Variants in PHACTR1 observed in about 807,000 individuals in gnomAD.
The protein encoded by PHACTR1 is RPEL repeat containing 1.
PHACTR1 carries 16 observed loss-of-function variants against 69.2 expected under a neutral mutation model. The observed-to-expected ratio is 0.23, with a 90% CI of 0.16 to 0.35. The LOEUF is 0.35. Among genes scored for constraint, PHACTR1 ranks in the 10% least tolerant of loss-of-function variants. The pLI is 1.00. For synonymous variants in PHACTR1, 312 were observed against 284.5 expected (o/e 1.10, Z -0.97); for missense variants, 510 against 734.7 (o/e 0.69, Z 3.54).
chr6:13,200,817 T>G lies in PHACTR1; in HGVS notation c.665-4998T>G, dbSNP rs1485822246. On this transcript the variant is annotated intron_variant, in intron 7 of 14. Transcript: ENST00000332995. ...TTAGCCAGGCATCATGGCGGACACC[T>G]GTAGTCCCAGCTACTCGGAGGCTGA... Among the ~76,000 whole-genome samples, 3 of 151,234 alleles carry G rather than the reference T, an allele frequency of 2.0e-5. No individual in the cohort carries two copies. The South Asian group carries it at 6.3e-4, about 32-fold the overall frequency.
At chr6:12,861,352 G>A (rs1349738798) in intron 4 of PHACTR1, among the ~76,000 whole-genome samples, 1 of 152,180 alleles carries the variant, frequency 6.6e-6, no homozygotes, top group Non-Finnish European at 1.5e-5. Context: ...ACTACACACA[G>A]GTCCTGTTAA....
At chr6:13,133,710 C>G (rs1380005002) in intron 5 of PHACTR1, among the ~76,000 whole-genome samples, 2 of 152,038 alleles carry the variant, frequency 1.3e-5, no homozygotes, top group African/African-American at 4.8e-5. Flanking sequence ...CTCTGCCTGG[C>G]TGCCACCCCG....
chr6:13,197,313 A>T (rs1271747847), intron 7 of PHACTR1, among the ~76,000 whole-genome samples: 1 of 152,134 alleles, frequency 6.6e-6, no homozygotes, highest in African/African-American at 2.4e-5. Flanking sequence ...TCAGCCCCAC[A>T]CCAGGGCAGG....
intron 4 of PHACTR1, among the ~76,000 whole-genome samples, chr6:12,805,702 G>T (rs1232240993): frequency 6.6e-6 from 1 of 151,856 alleles, no homozygotes; most frequent in Non-Finnish European, 1.5e-5. Context: ...CTAGGCTCAA[G>T]CAATTCTCCT....
intron 4 of PHACTR1, among the ~76,000 whole-genome samples, chr6:12,955,218 A>T (rs1382037157): frequency 1.3e-5 from 1 of 74,320 alleles, no homozygotes; most frequent in Non-Finnish European, 2.2e-5. Context: ...TTTTTGAGAG[A>T]GATAGCATCT....
intron 4 of PHACTR1, among the ~76,000 whole-genome samples, chr6:12,977,939 G>A (rs1245062863): frequency 6.6e-6 from 1 of 152,140 alleles, no homozygotes; most frequent in Non-Finnish European, 1.5e-5. Flanking sequence ...GAAAAATATA[G>A]AAATATCTGA....
chr6:12,944,844 G>A (rs1790491981), intron 4 of PHACTR1, among the ~76,000 whole-genome samples: 1 of 150,758 alleles, frequency 6.6e-6, no homozygotes, highest in Non-Finnish European at 1.5e-5. Flanking sequence ...ATGCAGTGGC[G>A]CGATCTCGGC....
chr6:13,023,390 C>T (rs1454016489), intron 4 of PHACTR1, among the ~76,000 whole-genome samples: 1 of 152,164 alleles, frequency 6.6e-6, no homozygotes, highest in Non-Finnish European at 1.5e-5. Flanking sequence ...GTTATTGTTT[C>T]AATGTGAACT....
intron 5 of PHACTR1, among the ~76,000 whole-genome samples, chr6:13,134,495 CA>C (rs1245363415): frequency 6.6e-6 from 1 of 152,160 alleles, no homozygotes; most frequent in Non-Finnish European, 1.5e-5. Context: ...ACCTTACCCC[CA>C]ACCCCTTGCT....
At chr6:12,852,119 G>GCCA (rs1177110095) in intron 4 of PHACTR1, among the ~76,000 whole-genome samples, 1 of 152,196 alleles carries the variant, frequency 6.6e-6, no homozygotes, top group African/African-American at 2.4e-5. Flanking sequence ...ACAGGCGTGA[G>GCCA]CCACCACGCT....
intron 10 of PHACTR1, among the ~76,000 whole-genome samples, chr6:13,247,791 T>C (rs1773800048): frequency 6.6e-6 from 1 of 152,074 alleles, no homozygotes; most frequent in Non-Finnish European, 1.5e-5. Flanking sequence ...GACTTCGAGG[T>C]TGTAGTCTGC....
rs112711359 is a variant in PHACTR1 at position 13,017,257 on chromosome 6, G to A, written c.251-36108G>A. 6.3e-4 allele frequency among the ~76,000 whole-genome samples: 93 copies of A among 148,690 alleles called. 1 individual carries two copies. The highest frequency in any genetic ancestry group is 2.2e-3 in the African/African-American group (90 of 40,160). Reference sequence around the variant, plus strand: ...TTTCCACTGTACCTACCATCAAGTTGATTTTTTTAATGGCCATTTATCTCT... The same window carrying A: ...TTTCCACTGTACCTACCATCAAGTTAATTTTTTTAATGGCCATTTATCTCT... On this transcript the variant is annotated intron_variant, in intron 4 of 14. Coordinates refer to ENST00000332995, the MANE Select transcript of PHACTR1 (RefSeq NM_030948.6).
At chr6:13,263,477 G>A (rs975035621) in intron 10 of PHACTR1, among the ~76,000 whole-genome samples, 1 of 151,970 alleles carries the variant, frequency 6.6e-6, no homozygotes, top group African/African-American at 2.4e-5. Flanking sequence ...TTTAGCCATA[G>A]TCCATGGTAA....
At chr6:12,884,474 C>T (rs1280394331) in intron 4 of PHACTR1, among the ~76,000 whole-genome samples, 1 of 151,746 alleles carries the variant, frequency 6.6e-6, no homozygotes, top group Non-Finnish European at 1.5e-5. Context: ...AATCTCGGCT[C>T]ACTGCAAGCT....
intron 4 of PHACTR1, among the ~76,000 whole-genome samples, chr6:12,923,288 A>T (rs1787913897): frequency 1.3e-5 from 2 of 152,228 alleles, no homozygotes. Context: ...CTTTAATAAT[A>T]AATAGTAAAA....
At chr6:12,996,959 A>G (rs963184295) in intron 4 of PHACTR1, among the ~76,000 whole-genome samples, 2 of 152,146 alleles carry the variant, frequency 1.3e-5, no homozygotes, top group Non-Finnish European at 2.9e-5. Flanking sequence ...TGAGGTCAGG[A>G]GTTTGAGACC....
intron 4 of PHACTR1, among the ~76,000 whole-genome samples, chr6:12,895,655 C>T (rs546552516): frequency 1.3e-4 from 20 of 152,292 alleles, no homozygotes; most frequent in South Asian, 2.1e-4. Context: ...AGCTCTGCTA[C>T]GGAGGATTGC....
chr6:13,123,100 C>A (rs894033525), intron 5 of PHACTR1, among the ~76,000 whole-genome samples: 1 of 151,834 alleles, frequency 6.6e-6, no homozygotes, highest in Non-Finnish European at 1.5e-5. Flanking sequence ...AAGGGCCCCC[C>A]AAAAAAGAGT....
intron 5 of PHACTR1, among the ~76,000 whole-genome samples, chr6:13,149,409 C>T (rs985110482): frequency 3.3e-5 from 5 of 151,228 alleles, no homozygotes; most frequent in African/African-American, 1.2e-4. Flanking sequence ...TTTCTCAGAG[C>T]ATCTCTGTGG....
Sources: gnomAD v4.1 joint callset for allele counts (sites outside exome capture counted in the v4.1 genomes callset) on GRCh38, gnomAD v4.1.1 for gene constraint, MANE v1.5 for transcripts, NCBI Gene and HGNC (gene_info 2026-07-23, HGNC 2026-07-21) for gene names.